The following ATP10A variants were observed in gnomAD, a reference collection of about 807,000 sequenced individuals.
The protein encoded by ATP10A is phospholipid-transporting ATPase VA.
Under a neutral mutation model 147.8 loss-of-function variants are expected in ATP10A, and 111 were observed. That is an observed-to-expected ratio of 0.75 (90% CI 0.64 to 0.88). ATP10A has a LOEUF of 0.88. ATP10A is among the 40% of genes least tolerant of loss of function. The probability of loss-of-function intolerance (pLI) is 0.00; values close to 1 mark genes in which losing one functional copy is unlikely to be tolerated. For synonymous variants in ATP10A, 875 were observed against 841.6 expected, an observed-to-expected ratio of 1.04 and a Z score of -0.69; for missense variants, 1,927 against 1,959.0, an observed-to-expected ratio of 0.98 and a Z score of 0.31.
At chr15:25,778,087 C>T (rs1222800234) in intron 2 of ATP10A, among the ~76,000 whole-genome samples, 1 of 152,124 alleles carries the variant, frequency 6.6e-6, no homozygotes. Context: ...CCTGACTGGA[C>T]CCCGCTGGAT....
intron 2 of ATP10A, among the ~76,000 whole-genome samples, chr15:25,779,370 C>T (rs1166443666): frequency 6.6e-6 from 1 of 152,238 alleles, no homozygotes; most frequent in Non-Finnish European, 1.5e-5. Flanking sequence ...CAGGCTGCTC[C>T]TCTCAGAGGT....
At chr15:25,689,782 C>G (rs573676952) in intron 15 of ATP10A, among the ~76,000 whole-genome samples, 68 of 152,358 alleles carry the variant, frequency 4.5e-4, no homozygotes, top group African/African-American at 1.5e-3. Context: ...TTCCCATCAC[C>G]TTGCATGTAG....
At position 25,713,901 on chromosome 15, in the gene ATP10A, G is replaced by T. The variant is rs775035574; in HGVS notation, c.2117C>A (p.Ala706Glu). 1 of 1,613,316 alleles carries T rather than the reference G, an allele frequency of 6.2e-7. No homozygotes were observed. The highest frequency in any genetic ancestry group is 1.1e-5 in the South Asian group (1 of 91,090). ...AAGCACGCAGTTGTAGGCTCTGGCC[G>T]CATACACCAGTGCGGCCTCATCCGG... ...ESPDEAALVYAARAYNCVLVE... is the reference protein window; with the variant it reads ...ESPDEAALVYEARAYNCVLVE... The change falls in exon 10 of 21, where the codon GCG (alanine) becomes GAG (glutamate). Residue 706 changes from alanine (A) to glutamate (E), a missense_variant. Ala to Glu is a moderately radical substitution (Grantham distance 107). Coordinates refer to ENST00000555815, the MANE Select transcript of ATP10A (RefSeq NM_024490.4).
rs1295918805 is a variant in ATP10A, at chr15:25,721,929, CAGGATGAATGACCGTG to C, written c.1111-36_1111-21del. 6.2e-7 allele frequency: 1 copy of C among 1,606,426 alleles called. No homozygotes were observed. The highest frequency in any genetic ancestry group is 8.5e-7 in the Non-Finnish European group (1 of 1,174,090). On this transcript the variant is annotated intron_variant, in intron 6 of 20. Transcript: ENST00000555815. ...CAAAACCTGGAAGAGACAAGGCACA[CAGGATGAATGACCGTG>C]AGGACCAGGGAGCTGGGGAATTACT...
chr15:25,777,786 T>C (rs1036981116), intron 2 of ATP10A, among the ~76,000 whole-genome samples: 9 of 149,438 alleles, frequency 6.0e-5, no homozygotes, highest in Admixed American at 1.3e-4. Context: ...TTCTTTCTTT[T>C]TTTTTTTTTG....
intron 2 of ATP10A, chr15:25,738,567 G>C (rs961965997): frequency 1.3e-5 from 2 of 152,112 alleles, no homozygotes; most frequent in Admixed American, 6.5e-5. Flanking sequence ...AGCTAAGCAG[G>C]GTCAGTACTT....
intron 19 of ATP10A, 98 bp downstream of exon 19, chr15:25,680,712 A>T: frequency 8.9e-7 from 1 of 1,119,824 alleles, no homozygotes; most frequent in Non-Finnish European, 1.4e-6. Context: ...TCTCCTGTCT[A>T]CTCAAAACGA....
intron 1 of ATP10A, among the ~76,000 whole-genome samples, chr15:25,792,300 A>T (rs548380127): frequency 6.6e-6 from 1 of 152,312 alleles, no homozygotes; most frequent in African/African-American, 2.4e-5. Flanking sequence ...ATGCAAAGGT[A>T]CCTGCTCAGG....
At chr15:25,701,854 G>A in intron 13 of ATP10A, 62 bp downstream of exon 13, 2 of 1,458,574 alleles carry the variant, frequency 1.4e-6, no homozygotes, top group Non-Finnish European at 1.8e-6. Context: ...TCTGCCAAGG[G>A]GGCCACGATA....
chr15:25,841,528 T>C (rs193036594), intron 1 of ATP10A: 79 of 151,958 alleles, frequency 5.2e-4, no homozygotes, highest in African/African-American at 1.7e-3. Context: ...TTGAGAAATC[T>C]TGTGGACATT....
chr15:25,776,824 C>T (rs1889629803), intron 2 of ATP10A, among the ~76,000 whole-genome samples: 1 of 152,172 alleles, frequency 6.6e-6, no homozygotes, highest in Non-Finnish European at 1.5e-5. Flanking sequence ...TATTCCGCCT[C>T]TGGGGCACCA....
chr15:25,779,419 T>C (rs1012985947), intron 2 of ATP10A, among the ~76,000 whole-genome samples: 1 of 152,242 alleles, frequency 6.6e-6, no homozygotes, highest in Non-Finnish European at 1.5e-5. Context: ...CCCCTAACTC[T>C]AGCTGAGACC....
chr15:25,715,256 A>G (rs1032844085), intron 9 of ATP10A, among the ~76,000 whole-genome samples: 15 of 152,248 alleles, frequency 9.9e-5, no homozygotes, highest in Admixed American at 6.5e-4. Flanking sequence ...ATGACTTTAA[A>G]TACGCTACAT....
At chr15:25,692,237 C>CTT (rs60947517) in intron 14 of ATP10A, among the ~76,000 whole-genome samples, 1 of 151,942 alleles carries the variant, frequency 6.6e-6, no homozygotes, top group African/African-American at 2.4e-5. Context: ...TTGTGGAGCT[C>CTT]TTTTTTTTGC....
chr15:25,831,222 G>T (rs1362268987), intron 1 of ATP10A, among the ~76,000 whole-genome samples: 4 of 152,068 alleles, frequency 2.6e-5, no homozygotes, highest in African/African-American at 4.8e-5. Flanking sequence ...GTGTGGCTCG[G>T]GGGCCTCGGG....
chr15:25,832,543 A>G (rs1892403877), intron 1 of ATP10A, among the ~76,000 whole-genome samples: 1 of 150,844 alleles, frequency 6.6e-6, no homozygotes, highest in Admixed American at 6.6e-5. Context: ...TTATGCTTAC[A>G]GGTCCTATGT....
intron 1 of ATP10A, among the ~76,000 whole-genome samples, chr15:25,815,664 A>C (rs17116207): frequency 6.6e-6 from 1 of 151,818 alleles, no homozygotes; most frequent in African/African-American, 2.4e-5. Flanking sequence ...GAATTCTGCA[A>C]AAAAATTTGT....
In ATP10A at chr15:25,681,038, C is replaced by T. The variant is rs762306880; in HGVS notation, c.3529G>A (p.Asp1177Asn). 2.5e-6 allele frequency: 4 copies of T among 1,613,962 alleles called. No individual in the cohort carries two copies. Among genetic ancestry groups the T allele is most frequent in the Middle Eastern group, 1.6e-4 (1 of 6,084 alleles). Reference sequence around the variant, plus strand: ...CAAACCAGGCTCTGGAAGGCGGCGTCGGCCATGTTAAACCAGAACGTTCGT... The same window carrying T: ...CAAACCAGGCTCTGGAAGGCGGCGTTGGCCATGTTAAACCAGAACGTTCGT... ...RPRTFWFNMA[D>N]AAFQSLVCFS... The change falls in exon 18 of 21, where the codon GAC (aspartate) becomes AAC (asparagine). Residue 1177 changes from aspartate to asparagine, a missense_variant. Transcript: ENST00000555815.
At chr15:25,716,596 A>G (rs1187193427) in intron 9 of ATP10A, 134 bp downstream of exon 9, 7 of 838,298 alleles carry the variant, frequency 8.4e-6, no homozygotes, top group Non-Finnish European at 1.1e-5. Flanking sequence ...ACCCCACCGC[A>G]TCCCCCTTAG....
Sources: gnomAD v4.1 joint callset for allele counts (sites outside exome capture counted in the v4.1 genomes callset) on GRCh38, gnomAD v4.1.1 for gene constraint, MANE v1.5 for transcripts, NCBI Gene and HGNC (gene_info 2026-07-23, HGNC 2026-07-21) for gene names.